Variants in SYNE2 observed in about 807,000 individuals in gnomAD.
SYNE2 encodes spectrin repeat containing nuclear envelope protein 2, also known as nesprin-2.
In SYNE2, 431 loss-of-function variants were observed where a neutral mutation model predicts 856.3. The ratio of observed to expected loss-of-function variants is 0.50; its 90% CI spans 0.47 to 0.55. The LOEUF is 0.55. Among genes scored for constraint, SYNE2 ranks in the 20% least tolerant of loss-of-function variants. The pLI is 0.00. For synonymous variants in SYNE2, 2,923 were observed against 2,872.3 expected, an observed-to-expected ratio of 1.02 and a Z score of -0.56; for missense variants, 8,129 against 8,023.2, an observed-to-expected ratio of 1.01 and a Z score of -0.50.
rs17751272 is a variant in SYNE2, at chr14:64,000,525, C to T, written c.3481-37C>T. ...AACAGAATAATTGTGTCTATTAACC[C>T]CATTAGTTGATAAATTAATTTATGT... On this transcript the variant is annotated intron_variant, in intron 27 of 115. Transcript: ENST00000555002. 8.9e-3 allele frequency: 14,055 copies of T among 1,577,320 alleles called. 71 individuals carry two copies. The highest frequency in any genetic ancestry group is 0.011 in the Non-Finnish European group (12,380 of 1,147,728).
At position 64,059,421 on chromosome 14, in the gene SYNE2, G is replaced by A. The variant is rs565166499; in HGVS notation, c.10067+3155G>A. On this transcript the variant is annotated intron_variant, in intron 49 of 115. Transcript: ENST00000555002. ...CTAATAATGTTGTGGTTTTTGCAGA[G>A]TCATAGAGCTACCACCTTGGTGGTC... is the stretch of plus-strand genomic sequence containing the variant. 3.3e-5 allele frequency among the ~76,000 whole-genome samples: 5 copies of A among 152,356 alleles called. 1 individual carries two copies. In the South Asian group the frequency reaches 8.3e-4, roughly 25 times the overall value.
chr14:63,772,196 A>G (rs1165469347), intron 1 of SYNE2, among the ~76,000 whole-genome samples: 3 of 152,062 alleles, frequency 2.0e-5, no homozygotes, highest in Non-Finnish European at 4.4e-5. Context: ...TCTACAAAAA[A>G]TACAAAAATT....
At chr14:63,868,402 G>C (rs1895982852) in intron 1 of SYNE2, among the ~76,000 whole-genome samples, 1 of 151,658 alleles carries the variant, frequency 6.6e-6, no homozygotes. Flanking sequence ...TTCAGCTCAG[G>C]AGGCAGAAGG....
chr14:64,034,393 CAG>C (rs2097068678), intron 45 of SYNE2: 2 of 412,564 alleles, frequency 4.8e-6, no homozygotes, highest in Non-Finnish European at 4.3e-6. Flanking sequence ...TTTTGGAATC[CAG>C]AGAGGCTTTT....
chr14:64,093,302 T>C, intron 60 of SYNE2, 47 bp from the exon 61 acceptor site: 1 of 1,608,342 alleles, frequency 6.2e-7, no homozygotes, highest in African/African-American at 1.3e-5. Flanking sequence ...TCCATTAATC[T>C]GCTTAGATTA....
intron 6 of SYNE2, among the ~76,000 whole-genome samples, chr14:63,948,872 T>C (rs2096099385): frequency 6.8e-6 from 1 of 147,012 alleles, no homozygotes; most frequent in Non-Finnish European, 1.5e-5. Context: ...ATATCTTTGC[T>C]GCTGACTAGA....
At chr14:64,181,511 C>A (rs978961657) in intron 96 of SYNE2, among the ~76,000 whole-genome samples, 1 of 152,144 alleles carries the variant, frequency 6.6e-6, no homozygotes. Context: ...CTTTCACGGT[C>A]TCAGCATCCT....
intron 76 of SYNE2, among the ~76,000 whole-genome samples, chr14:64,131,069 G>C (rs1439125890): frequency 6.6e-6 from 1 of 152,080 alleles, no homozygotes; most frequent in African/African-American, 2.4e-5. Context: ...AAAATGTGTA[G>C]GACGGTTCCT....
intron 51 of SYNE2, among the ~76,000 whole-genome samples, chr14:64,067,257 T>C (rs980976541): frequency 6.6e-6 from 1 of 152,150 alleles, no homozygotes; most frequent in Non-Finnish European, 1.5e-5. Flanking sequence ...ATTGAGCAAT[T>C]ATTGTGTGAC....
chr14:63,848,106 C>T (rs1404487980), upstream of SYNE2, among the ~76,000 whole-genome samples: 2 of 151,722 alleles, frequency 1.3e-5, no homozygotes, highest in Non-Finnish European at 1.5e-5. Flanking sequence ...AGGATGGTCT[C>T]GAACTCCTCA....
At chr14:63,936,534 C>A (rs1428745239) in intron 2 of SYNE2, among the ~76,000 whole-genome samples, 1 of 152,028 alleles carries the variant, frequency 6.6e-6, no homozygotes, top group Non-Finnish European at 1.5e-5. Context: ...AAAGAACATT[C>A]CTAGAAGAAA....
Position 64,053,556 on chromosome 14 carries a change from CAAAGA to C in SYNE2, c.9644_9648del (p.Gln3215ArgfsTer6). The stretch of plus-strand genomic sequence containing the variant: ...TAAAGCTGTGACTGCTATTGAGAAA[CAAAGA>C]GAAGAAAACTCTTCTGAAGCGAGTG... On this transcript the variant is annotated frameshift_variant, in exon 48 of 116. Transcript: ENST00000555002. LOFTEE classifies it high-confidence loss of function. 6.2e-7 allele frequency: 1 copy of C among 1,614,206 alleles called. No individual in the cohort carries two copies. The highest frequency in any genetic ancestry group is 8.5e-7 in the Non-Finnish European group (1 of 1,180,034).
At chr14:63,981,888 C>T (rs189655259) in intron 16 of SYNE2, among the ~76,000 whole-genome samples, 13 of 152,236 alleles carry the variant, frequency 8.5e-5, no homozygotes, top group Admixed American at 2.0e-4. Context: ...GAGCATTTTA[C>T]GGGTTGAGTC....
At chr14:63,820,797 T>G (rs924600469) in intron 1 of SYNE2, among the ~76,000 whole-genome samples, 5 of 151,400 alleles carry the variant, frequency 3.3e-5, no homozygotes, top group African/African-American at 1.2e-4. Flanking sequence ...TCACCCAGGC[T>G]GTAGTGCAGC....
chr14:64,092,577 G>A (rs1417462308), intron 60 of SYNE2, among the ~76,000 whole-genome samples: 1 of 152,172 alleles, frequency 6.6e-6, no homozygotes, highest in Non-Finnish European at 1.5e-5. Flanking sequence ...ATACAAGGAA[G>A]AATTTCGTGT....
chr14:63,992,462 T>A (rs916074086), intron 21 of SYNE2, among the ~76,000 whole-genome samples: 8 of 152,178 alleles, frequency 5.3e-5, no homozygotes, highest in South Asian at 4.1e-4. Context: ...ATTTTTTTTA[T>A]AGAGAAAGGG....
rs1277619996 is a variant in SYNE2 at position 64,122,009 on chromosome 14, C to T, written c.13159-3C>T. The T allele has an allele frequency of 1.9e-6, 3 of 1,613,202 alleles. No homozygotes were observed. In the African/African-American group the frequency reaches 4.0e-5, roughly 22 times the overall value. ...GGACCATTTGAATCTCATTCAATTA[C>T]AGGTTCTGGAGTTAAAACCAATGGA... On this transcript the variant is annotated splice_polypyrimidine_tract_variant and splice_region_variant and intron_variant, in intron 68 of 115. Coordinates refer to ENST00000555002, the MANE Select transcript of SYNE2 (RefSeq NM_182914.3).
intron 70 of SYNE2, 50 bp from the exon 71 acceptor site, chr14:64,125,029 A>G: frequency 6.2e-7 from 1 of 1,610,190 alleles, no homozygotes; most frequent in Non-Finnish European, 8.5e-7. Flanking sequence ...ATTAATTAAC[A>G]TCAGCAGGGT....
At chr14:63,891,406 C>T (rs1381407380) in intron 1 of SYNE2, among the ~76,000 whole-genome samples, 1 of 152,032 alleles carries the variant, frequency 6.6e-6, no homozygotes, top group Non-Finnish European at 1.5e-5. Context: ...GTGTGATATA[C>T]AGGGGTTGTT....
Sources: gnomAD v4.1 joint callset for allele counts (sites outside exome capture counted in the v4.1 genomes callset) on GRCh38, gnomAD v4.1.1 for gene constraint, MANE v1.5 for transcripts, NCBI Gene and HGNC (gene_info 2026-07-23, HGNC 2026-07-21) for gene names.